SCP2: variants seen among roughly 807,000 people sequenced by gnomAD.
The protein encoded by SCP2 is sterol carrier protein 2, also known as SCP-2/3-oxoacyl-CoA thiolase.
A neutral mutation model predicts 71.4 loss-of-function variants in SCP2; 48 were observed. That is an observed-to-expected ratio of 0.67 (90% CI 0.53 to 0.86). SCP2 has a LOEUF of 0.86. SCP2 is among the 40% of genes least tolerant of loss of function. The probability of loss-of-function intolerance (pLI) is 0.00; values close to 1 mark genes in which losing one functional copy is unlikely to be tolerated. For synonymous variants in SCP2, 220 were observed against 218.1 expected, an observed-to-expected ratio of 1.01 and a Z score of -0.08; for missense variants, 560 against 655.6, an observed-to-expected ratio of 0.85 and a Z score of 1.59.
intron 10 of SCP2, among the ~76,000 whole-genome samples, chr1:52,981,207 T>C (rs6688270): frequency 0.093 from 14,180 of 152,256 alleles, 1,357 homozygotes; most frequent in African/African-American, 0.23. Flanking sequence ...GCTGGAATTA[T>C]AGGCGTGAGC....
In SCP2 at chr1:53,033,011, A is replaced by G. The variant is rs564496809; in HGVS notation, c.1338+4940A>G. Among the ~76,000 whole-genome samples, 10 of 152,308 alleles carry G rather than the reference A, an allele frequency of 6.6e-5. No individual in the cohort carries two copies. In the South Asian group the frequency reaches 2.1e-3, roughly 32 times the overall value. ...TAATTTAAGTGAGCTCTTTTAAGGG[A>G]AGCCAACATAAGAGAATTTCTTTTT... is the stretch of plus-strand genomic sequence containing the variant. On this transcript the variant is annotated intron_variant, in intron 13 of 15. Transcript: ENST00000371514.
chr1:52,954,673 G>GT, intron 4 of SCP2, 67 bp from the exon 5 acceptor site: 5 of 1,209,014 alleles, frequency 4.1e-6, no homozygotes, highest in Non-Finnish European at 6.2e-6. Flanking sequence ...TTGAATTGAA[G>GT]TATTTAATGG....
Position 52,980,538 on chromosome 1 carries a change from C to G in SCP2, c.968C>G (p.Pro323Arg). The change falls in exon 10 of 16, where the codon CCA (proline) becomes CGA (arginine). Residue 323 changes from proline to arginine, a missense_variant. By Grantham distance (103) the Pro-to-Arg change is moderately radical (BLOSUM62 -2). This residue lies in a region of SCP2 where 513 missense variants were observed against 573.1 expected (regional missense o/e 0.90). Coordinates refer to ENST00000371514, the MANE Select transcript of SCP2 (RefSeq NM_002979.5). ...ACTTATGAAGCACTGGGACTCTGTC[C>G]AGAAGGTAACATCTTTGAATAGGGC... Reference protein sequence around the residue: ...LLTYEALGLCPEGQGATLVDR... With the variant: ...LLTYEALGLCREGQGATLVDR... 6.2e-7 allele frequency: 1 copy of G among 1,613,506 alleles called. No individual in the cohort carries two copies.
intron 13 of SCP2, among the ~76,000 whole-genome samples, chr1:53,034,824 G>A (rs1289518755): frequency 6.6e-6 from 1 of 152,078 alleles, no homozygotes; most frequent in Admixed American, 6.5e-5. Context: ...AATATTATGA[G>A]GCCAGGCACG....
rs1664162978 is a variant in SCP2, at chr1:53,050,940, A to G, written c.*236A>G. The G allele has an allele frequency of 8.4e-6, 3 of 358,130 alleles. No individual in the cohort carries two copies. In the South Asian group the frequency reaches 1.3e-4, roughly 15 times the overall value. 22.2% of individuals were successfully genotyped at this position (358,130 alleles called of 1,614,324 possible). On this transcript the variant is annotated 3_prime_UTR_variant, in exon 16 of 16. Transcript: ENST00000371514. ...CTGTGCATTACAAAGTTAATATGGT[A>G]ATTATGGTCTGGGGTAAAATTGAGT...
rs1200663958 is a variant in SCP2 at position 52,970,968 on chromosome 1, AT to A, written c.524-3776del. Among the ~76,000 whole-genome samples the A allele has an allele frequency of 6.7e-3, 472 of 70,934 alleles. 1 individual carries two copies. The highest frequency in any genetic ancestry group is 0.016 in the African/African-American group (219 of 13,792). 46.5% of individuals were successfully genotyped at this position (70,934 alleles called of 152,430 possible). A position where few individuals can be genotyped will look rare whatever the true frequency, so the allele number is the denominator to read the frequency against. The stretch of plus-strand genomic sequence containing the variant: ...TTTTAGAGGCTATAGAGAGACACAG[AT>A]TTTTTTTTTTTTTTTTTTTTTTTTG... On this transcript the variant is annotated intron_variant, in intron 6 of 15. Coordinates refer to ENST00000371514, the MANE Select transcript of SCP2 (RefSeq NM_002979.5).
intron 2 of SCP2, 27 bp from the exon 3 acceptor site, chr1:52,947,982 T>G: frequency 1.3e-6 from 2 of 1,559,432 alleles, no homozygotes. Context: ...TAAAGCACTT[T>G]TTGATAAAAA....
intron 1 of SCP2, among the ~76,000 whole-genome samples, chr1:52,932,545 T>C (rs1238586080): frequency 5.3e-5 from 8 of 152,198 alleles, no homozygotes; most frequent in Non-Finnish European, 1.0e-4. Context: ...CAGGGTAACA[T>C]AGAATAGTGA....
At chr1:53,048,529 T>G in intron 15 of SCP2, 1 of 169,378 alleles carries the variant, frequency 5.9e-6, no homozygotes, top group Admixed American at 5.4e-5. Context: ...CGTACTGGAC[T>G]GCCAGCTTAG....
chr1:53,037,993 A>G (rs1316676544), intron 13 of SCP2, among the ~76,000 whole-genome samples: 1 of 120,716 alleles, frequency 8.3e-6, no homozygotes, highest in East Asian at 2.9e-4. Flanking sequence ...ACACACATTC[A>G]ATTAACCAGT....
rs1310419073 is a variant in SCP2, at chr1:52,994,008, T to G, written c.1081+5872T>G. 7 of 1,219,674 alleles carry G rather than the reference T, an allele frequency of 5.7e-6. No individual in the cohort carries two copies. The East Asian group carries it at 2.9e-4, about 50-fold the overall frequency. The allele number at this position is 1,219,674 out of a possible 1,614,324, so 75.6% of individuals were successfully genotyped here. A position where few individuals can be genotyped will look rare whatever the true frequency, so the allele number is the denominator to read the frequency against. ...TGTTCTTTAATTTGTAAAGAAAATT[T>G]GTTTTCTAGCGTGACACCCTCAAGG... On this transcript the variant is annotated intron_variant, in intron 11 of 15. Transcript: ENST00000371514.
At chr1:52,967,371 A>C (rs1657065144) in intron 6 of SCP2, among the ~76,000 whole-genome samples, 1 of 151,706 alleles carries the variant, frequency 6.6e-6, no homozygotes, top group African/African-American at 2.4e-5. Flanking sequence ...CAATGGGGCC[A>C]ATTTTGGTAG....
At chr1:52,984,629 C>G (rs898380972) in intron 10 of SCP2, among the ~76,000 whole-genome samples, 2 of 150,804 alleles carry the variant, frequency 1.3e-5, no homozygotes, top group African/African-American at 4.9e-5. Context: ...CCTCCGCTAC[C>G]TGGGTTCAAG....
chr1:52,995,669 C>T, intron 11 of SCP2: 1 of 706,480 alleles, frequency 1.4e-6, no homozygotes, highest in South Asian at 1.4e-5. Flanking sequence ...GATGGATGTC[C>T]ATGAGCAGTT....
In SCP2 at chr1:52,981,641, G is replaced by A. The variant is rs543504410; in HGVS notation, c.973+1098G>A. ...GAGACAGGGTTTCACCATGTTGCGC[G>A]GGCTGTTCTCAAACTCCTGGCTTCA... On this transcript the variant is annotated intron_variant, in intron 10 of 15. Coordinates refer to ENST00000371514, the MANE Select transcript of SCP2 (RefSeq NM_002979.5). Among the ~76,000 whole-genome samples, 74 of 151,360 alleles carry A rather than the reference G, an allele frequency of 4.9e-4. 1 individual carries two copies. The highest frequency in any genetic ancestry group is 1.6e-3 in the African/African-American group (67 of 41,308).
Position 53,007,467 on chromosome 1 carries a change from A to C in SCP2, c.1082-7423A>C, listed in dbSNP as rs559932218. ...GCAATCAAACTAGAACTCAGGATTAAGAAACTCACTCAAAACCGCTCAACT... is the reference window on the plus strand; with the variant it reads ...GCAATCAAACTAGAACTCAGGATTACGAAACTCACTCAAAACCGCTCAACT... On this transcript the variant is annotated intron_variant, in intron 11 of 15. Coordinates refer to ENST00000371514, the MANE Select transcript of SCP2 (RefSeq NM_002979.5). 4.4e-3 allele frequency among the ~76,000 whole-genome samples: 671 copies of C among 152,364 alleles called. 5 individuals are homozygous for C. Among genetic ancestry groups the C allele is most frequent in the African/African-American group, 0.015 (643 of 41,578 alleles).
At chr1:52,962,357 A>AT (rs1656546648) in intron 6 of SCP2, among the ~76,000 whole-genome samples, 1 of 151,992 alleles carries the variant, frequency 6.6e-6, no homozygotes, top group South Asian at 2.1e-4. Context: ...TAGTGGCATA[A>AT]TTTCGCACCT....
rs182762278 is a variant in SCP2, at chr1:52,932,108, A to T, written c.69+4643A>T. Among the ~76,000 whole-genome samples the T allele has an allele frequency of 2.4e-4, 36 of 152,310 alleles. 1 individual carries two copies. The highest frequency in any genetic ancestry group is 2.3e-3 in the Admixed American group (35 of 15,300). ...TTAAATGTTTAATAAAAAAGATCCA[A>T]TATCTAGTTAATGAGTTCTAGAAAA... On this transcript the variant is annotated intron_variant, in intron 1 of 15. Transcript: ENST00000371514.
chr1:52,999,774 A>G (rs563411729), intron 11 of SCP2, among the ~76,000 whole-genome samples: 1 of 151,792 alleles, frequency 6.6e-6, no homozygotes, highest in African/African-American at 2.4e-5. Context: ...CCAGTTTTCA[A>G]AGTGCTTTTA....
Sources: allele counts gnomAD v4.1 joint callset (sites outside exome capture counted in the v4.1 genomes callset), GRCh38; gene constraint gnomAD v4.1.1; regional missense constraint gnomAD v4.1.1; transcripts MANE v1.5; gene names NCBI Gene and HGNC (gene_info 2026-07-23, HGNC 2026-07-21).